CHD9: variants seen among roughly 807,000 people sequenced by gnomAD.
The protein encoded by CHD9 is chromodomain helicase DNA binding protein 9.
CHD9 carries 77 observed loss-of-function variants against 316.1 expected under a neutral mutation model. That is an observed-to-expected ratio of 0.24 (90% confidence interval 0.20 to 0.29). CHD9 has a LOEUF of 0.29. CHD9 is among the 10% of genes least tolerant of loss of function. The pLI is 1.00. For synonymous variants in CHD9, 1,129 were observed against 1,158.3 expected (o/e 0.97, Z 0.51); for missense variants, 2,763 against 3,438.1 (o/e 0.80, Z 4.91).
At chr16:53,232,765 G>A (rs986145207) in intron 10 of CHD9, among the ~76,000 whole-genome samples, 8 of 151,534 alleles carry the variant, frequency 5.3e-5, no homozygotes, top group African/African-American at 1.7e-4. Flanking sequence ...TTATTTTAAT[G>A]TTCATTGGCT....
rs766570317 is a variant in CHD9, at chr16:53,242,995, G to C, written c.3033G>C (p.Glu1011Asp). Reference protein sequence around the residue: ...RLKNKNCKLLEGLKLMNLEHK... With the variant: ...RLKNKNCKLLDGLKLMNLEHK... The stretch of plus-strand genomic sequence containing the variant: ...AAAATAAAAATTGTAAACTCTTAGA[G>C]GGCCTGAAACTCATGAATCTGGTAA... The change falls in exon 13 of 39, where the codon GAG becomes GAC. Residue 1011 changes from glutamate (E) to aspartate (D), a missense_variant. Glu to Asp is a conservative substitution (Grantham distance 45). This residue lies in a region of CHD9 where 155 missense variants were observed against 291.8 expected (regional missense o/e 0.53). Coordinates refer to ENST00000447540, the MANE Select transcript of CHD9 (RefSeq NM_001308319.2). The C allele has an allele frequency of 3.1e-6, 5 of 1,609,178 alleles. No homozygotes were observed. Among genetic ancestry groups the C allele is most frequent in the Non-Finnish European group, 4.2e-6 (5 of 1,176,750 alleles).
chr16:53,198,873 C>T (rs544976727), intron 2 of CHD9, among the ~76,000 whole-genome samples: 2 of 152,206 alleles, frequency 1.3e-5, no homozygotes, highest in East Asian at 3.9e-4. Context: ...TTCAGATTTC[C>T]TATAGATAAG....
intron 2 of CHD9, among the ~76,000 whole-genome samples, chr16:53,189,124 C>A (rs12932218): frequency 0.029 from 4,453 of 151,404 alleles, 293 homozygotes; most frequent in Admixed American, 0.15. Flanking sequence ...AATTTTATTT[C>A]TTGCTTTCCA....
chr16:53,096,138 G>A (rs2036360235), intron 1 of CHD9, among the ~76,000 whole-genome samples: 1 of 151,034 alleles, frequency 6.6e-6, no homozygotes, highest in Non-Finnish European at 1.5e-5. Context: ...GGTCACTGCA[G>A]CCTCAACTTC....
Position 53,198,906 on chromosome 16 carries a change from G to A in CHD9, c.1453-10576G>A, listed in dbSNP as rs114277431. Among the ~76,000 whole-genome samples the A allele has an allele frequency of 2.2e-3, 334 of 152,104 alleles. 1 individual carries two copies. Among genetic ancestry groups the A allele is most frequent in the African/African-American group, 7.4e-3 (308 of 41,492 alleles). On this transcript the variant is annotated intron_variant, in intron 2 of 38. Coordinates refer to ENST00000447540, the MANE Select transcript of CHD9 (RefSeq NM_001308319.2). ...AAGTCTTTGATAGCATGGAATTATT[G>A]CCAATCCTAGTTTTCATTATTTTAT...
rs2041545074 is a variant in CHD9 at position 53,156,694 on chromosome 16, T to C, written c.605T>C (p.Val202Ala). The C allele has an allele frequency of 1.9e-6, 3 of 1,614,026 alleles. No homozygotes were observed. Among genetic ancestry groups the C allele is most frequent in the Non-Finnish European group, 2.5e-6 (3 of 1,179,888 alleles). ...AGCCAGTCTAAAAATTTTATGAATG[T>C]TTCTGGTCCACATAGAGTCAATGTT... The part of the protein sequence containing the change: ...SLSQSKNFMN[V>A]SGPHRVNVNH... The change falls in exon 2 of 39, where the codon GTT (valine) becomes GCT (alanine). Residue 202 changes from valine to alanine, a missense_variant. Coordinates refer to ENST00000447540, the MANE Select transcript of CHD9 (RefSeq NM_001308319.2).
Position 53,307,894 on chromosome 16 carries a change from C to G in CHD9, c.6994C>G (p.Gln2332Glu), listed in dbSNP as rs2056127166. Residue 2332 changes from glutamine (Q) to glutamate (E), a missense_variant, in exon 33 of 39, where the codon CAG (glutamine) becomes GAG (glutamate). Transcript: ENST00000447540. Reference protein sequence around the residue: ...GVKEEHDQSTQMSKVKKHVRE... With the variant: ...GVKEEHDQSTEMSKVKKHVRE... ...TAAAGAAGAACATGATCAGTCAACA[C>G]AGATGTCAAAGGTGAAGAAGCATGT... 6.2e-7 allele frequency: 1 copy of G among 1,613,648 alleles called. No homozygotes were observed. Among genetic ancestry groups the G allele is most frequent in the Non-Finnish European group, 8.5e-7 (1 of 1,179,780 alleles).
chr16:53,155,978 C>G lies in CHD9; in HGVS notation c.-112C>G. The G allele has an allele frequency of 2.2e-6, 2 of 916,176 alleles. No homozygotes were observed. Among genetic ancestry groups the G allele is most frequent in the East Asian group, 5.2e-5 (2 of 38,110 alleles). 56.8% of individuals were successfully genotyped at this position (916,176 alleles called of 1,614,324 possible). On this transcript the variant is annotated 5_prime_UTR_variant, in exon 2 of 39. Coordinates refer to ENST00000447540, the MANE Select transcript of CHD9 (RefSeq NM_001308319.2). Reference sequence around the variant, plus strand: ...ATTTAGAGCAATAATGAATATTGACCTGTTTTGGATTAGTTGATGACCTTC... The same window carrying G: ...ATTTAGAGCAATAATGAATATTGACGTGTTTTGGATTAGTTGATGACCTTC...
intron 1 of CHD9, among the ~76,000 whole-genome samples, chr16:53,132,793 C>CTTTTTT (rs748626858): frequency 5.8e-5 from 4 of 68,506 alleles, no homozygotes; most frequent in African/African-American, 1.6e-4. Context: ...TCTAATTCTG[C>CTTTTTT]TTTTTTTTTT....
chr16:53,092,222 C>T (rs1418471175), intron 1 of CHD9, among the ~76,000 whole-genome samples: 2 of 152,236 alleles, frequency 1.3e-5, no homozygotes, highest in Non-Finnish European at 2.9e-5. Flanking sequence ...CAGCCTGGCG[C>T]AGGCTGTACG....
At chr16:53,277,141 G>C (rs1471482007) in intron 24 of CHD9, among the ~76,000 whole-genome samples, 1 of 152,092 alleles carries the variant, frequency 6.6e-6, no homozygotes, top group African/African-American at 2.4e-5. Context: ...AAAAAGTCTA[G>C]GACCAGATGG....
chr16:53,320,638 G>T (rs774642573), intron 37 of CHD9, among the ~76,000 whole-genome samples: 1 of 152,112 alleles, frequency 6.6e-6, no homozygotes. Context: ...AATTACTCAA[G>T]AAATATTTTT....
intron 1 of CHD9, among the ~76,000 whole-genome samples, chr16:53,155,506 A>T (rs2041455900): frequency 6.6e-6 from 1 of 152,238 alleles, no homozygotes; most frequent in African/African-American, 2.4e-5. Context: ...TTTTACTTAT[A>T]TAATTTTTAT....
At chr16:53,209,334 C>A (rs983995062) in intron 2 of CHD9, 148 bp from the exon 3 acceptor site, 11 of 599,382 alleles carry the variant, frequency 1.8e-5, no homozygotes, top group Non-Finnish European at 3.1e-5. Context: ...TCTTGATAAG[C>A]AAAATGTTTT....
chr16:53,290,526 A>T (rs560082770), intron 27 of CHD9, among the ~76,000 whole-genome samples: 3 of 151,846 alleles, frequency 2.0e-5, no homozygotes, highest in Non-Finnish European at 4.4e-5. Flanking sequence ...GCAGTGGCTC[A>T]TGCCTGTAAT....
chr16:53,193,919 A>C (rs1375350426), intron 2 of CHD9, among the ~76,000 whole-genome samples: 2 of 152,224 alleles, frequency 1.3e-5, no homozygotes, highest in Non-Finnish European at 2.9e-5. Flanking sequence ...ATACTATAGT[A>C]ATATTACTGT....
chr16:53,228,670 A>G (rs1430982490), intron 7 of CHD9, among the ~76,000 whole-genome samples: 1 of 151,326 alleles, frequency 6.6e-6, no homozygotes, highest in Non-Finnish European at 1.5e-5. Flanking sequence ...AAAACAAGTT[A>G]GCTTTCTGAT....
At chr16:53,193,182 G>T (rs1007169217) in intron 2 of CHD9, among the ~76,000 whole-genome samples, 2 of 152,068 alleles carry the variant, frequency 1.3e-5, no homozygotes, top group African/African-American at 4.8e-5. Context: ...GGGCACGGTG[G>T]CTCATACCTG....
chr16:53,063,401 CAA>C (rs56403464), intron 1 of CHD9, among the ~76,000 whole-genome samples: 1 of 146,190 alleles, frequency 6.8e-6, no homozygotes, highest in Non-Finnish European at 1.5e-5. Flanking sequence ...CACACACACA[CAA>C]AATGTGAAGG....
Sources: gnomAD v4.1 joint callset for allele counts (sites outside exome capture counted in the v4.1 genomes callset) on GRCh38, gnomAD v4.1.1 for gene constraint, gnomAD v4.1.1 regional missense constraint, MANE v1.5 for transcripts, NCBI Gene and HGNC (gene_info 2026-07-23, HGNC 2026-07-21) for gene names.